The following PHF8 variants were observed in gnomAD, a reference collection of about 807,000 sequenced individuals.
PHF8 encodes the protein histone lysine demethylase PHF8.
PHF8 carries 9 observed loss-of-function variants against 74.4 expected under a neutral mutation model. That is an observed-to-expected ratio of 0.12 (90% CI 0.07 to 0.21). PHF8 has a LOEUF of 0.21. PHF8 is among the 10% of genes least tolerant of loss of function. The pLI is 1.00. For missense variants in PHF8, 478 were observed against 816.6 expected (o/e 0.59, Z 5.05); for synonymous variants, 311 against 316.6 (o/e 0.98, Z 0.19).
At chrX:53,995,969 CACACAA>C (rs1399621271) in intron 11 of PHF8, among the ~76,000 whole-genome samples, 187 bp from the exon 12 acceptor site, 1 of 110,594 alleles carries the variant, frequency 9.0e-6, no homozygotes, top group Non-Finnish European at 1.9e-5. Context: ...TTGCACCATA[CACACAA>C]ACACAAACTT....
intron 6 of PHF8, 119 bp from the exon 7 acceptor site, chrX:54,014,682 C>G (rs782075005): frequency 5.7e-6 from 3 of 527,305 alleles, no homozygotes; most frequent in Middle Eastern, 1.0e-3. Flanking sequence ...GTTCCCTCCA[C>G]AGAATCCCCA....
Position 54,007,397 on chromosome X carries a change from A to G in PHF8, c.946+3725T>C, listed in dbSNP as rs190659758. On this transcript the variant is annotated intron_variant, in intron 8 of 21. Transcript: ENST00000338154. ...AAGCATAAGCAAATAAAGAAAAAAA[A>G]ATAGATAAATTGGGCATCAAAATTT... Among the ~76,000 whole-genome samples, 871 of 112,257 alleles carry G rather than the reference A, an allele frequency of 7.8e-3. 5 individuals carry two copies. Among genetic ancestry groups the G allele is most frequent in the Non-Finnish European group, 0.013 (678 of 53,229 alleles).
At position 53,978,710 on chromosome X, in the gene PHF8, T is replaced by G. The variant is rs782698596; in HGVS notation, c.2443+6204A>C. ...CTACTCAGGAGGCTGAGGCAGGAGATTCACGTGAATCCGGAAGGCAGAGGT... is the reference window on the plus strand; with the variant it reads ...CTACTCAGGAGGCTGAGGCAGGAGAGTCACGTGAATCCGGAAGGCAGAGGT... On this transcript the variant is annotated intron_variant, in intron 18 of 21. Transcript: ENST00000338154. Among the ~76,000 whole-genome samples, 55 of 105,643 alleles carry G rather than the reference T, an allele frequency of 5.2e-4. 1 individual carries two copies. Among genetic ancestry groups the G allele is most frequent in the Admixed American group, 5.1e-4 (5 of 9,822 alleles). 91.7% of individuals were successfully genotyped at this position (105,643 alleles called of 115,157 possible).
At chrX:53,965,456 T>C (rs1557092219) in intron 18 of PHF8, among the ~76,000 whole-genome samples, 2 of 112,864 alleles carry the variant, frequency 1.8e-5, no homozygotes, top group African/African-American at 6.4e-5. Context: ...CTCGCCAACA[T>C]GGCAAAACCC....
chrX:54,027,276 CCAAA>C (rs782271023), intron 2 of PHF8, among the ~76,000 whole-genome samples: 2 of 110,958 alleles, frequency 1.8e-5, no homozygotes, highest in Non-Finnish European at 3.8e-5. Context: ...CCCTTCACAG[CCAAA>C]CACATTCTTT....
Position 54,043,857 on chromosome X carries a change from T to A in PHF8, c.-188A>T. The A allele has an allele frequency of 1.3e-6, 1 of 753,638 alleles. No homozygotes were observed. Among genetic ancestry groups the A allele is most frequent in the Admixed American group, 8.5e-5 (1 of 11,711 alleles). 62.1% of individuals were successfully genotyped at this position (753,638 alleles called of 1,213,427 possible). On this transcript the variant is annotated 5_prime_UTR_variant, in exon 1 of 22. The change abolishes an upstream ATG in the 5' untranslated region. Coordinates refer to ENST00000338154, the MANE Select transcript of PHF8 (RefSeq NM_015107.3). ...CCAGAATCCTACAGGGACCTCCTCA[T>A]GCTTTGGGCTGCAAGGACTCCACGC...
Position 53,944,230 on chromosome X carries a change from T to A in PHF8, c.2553A>T (p.Pro851=). Residue 851 remains proline (P), a synonymous_variant, in exon 20 of 22, where the codon CCA becomes CCT. Coordinates refer to ENST00000338154, the MANE Select transcript of PHF8 (RefSeq NM_015107.3). ...APWSPKARVT[P]TLPKQDRPVR... ...CAGGACGGTCCTGCTTCGGCAGAGT[T>A]GGGGTCACGCGGGCTGCAAGGGAAA... 1 of 1,205,614 alleles carries A rather than the reference T, an allele frequency of 8.3e-7. No homozygotes were observed. Among genetic ancestry groups the A allele is most frequent in the Admixed American group, 2.2e-5 (1 of 46,019 alleles).
At position 53,938,850 on chromosome X, in the gene PHF8, A is replaced by T. The variant is rs41315092; in HGVS notation, c.*308T>A. 2.3e-5 allele frequency: 20 copies of T among 855,970 alleles called. No individual in the cohort carries two copies. The highest frequency in any genetic ancestry group is 2.7e-5 in the Non-Finnish European group (19 of 704,988). The allele number at this position is 855,970 out of a possible 1,213,427, so 70.5% of individuals were successfully genotyped here. On this transcript the variant is annotated 3_prime_UTR_variant, in exon 22 of 22. Transcript: ENST00000338154. ...CTTCCAGCTCTAGCGGGGGATGAAGAATAAAGAACAGACAAGGCAGGTGAC... is the reference window on the plus strand; with the variant it reads ...CTTCCAGCTCTAGCGGGGGATGAAGTATAAAGAACAGACAAGGCAGGTGAC...
intron 18 of PHF8, among the ~76,000 whole-genome samples, chrX:53,983,942 A>C (rs142721936): frequency 0.028 from 3,180 of 112,611 alleles, 57 homozygotes; most frequent in Middle Eastern, 0.074. Flanking sequence ...TATACATGAA[A>C]ATGATGACAA....
At chrX:54,036,462 T>C (rs2066457317) in intron 2 of PHF8, among the ~76,000 whole-genome samples, 1 of 103,983 alleles carries the variant, frequency 9.6e-6, no homozygotes, top group Admixed American at 1.1e-4. Flanking sequence ...AATTTAAAAA[T>C]GCCTTGAGGC....
At chrX:54,042,491 C>G (rs2066575952) in intron 2 of PHF8, 140 bp downstream of exon 2, 2 of 533,182 alleles carry the variant, frequency 3.8e-6, no homozygotes, top group Non-Finnish European at 3.3e-6. Context: ...AGGTCCTGTT[C>G]TGCAAGGAGA....
At chrX:54,032,878 C>G (rs2066386169) in intron 2 of PHF8, among the ~76,000 whole-genome samples, 2 of 111,732 alleles carry the variant, frequency 1.8e-5, no homozygotes. Context: ...GTCTGTGTAG[C>G]TTTGGGCACA....
intron 2 of PHF8, among the ~76,000 whole-genome samples, chrX:54,027,984 C>CCACACACACACACACACA (rs782177087): frequency 1.2e-4 from 12 of 96,513 alleles, no homozygotes; most frequent in Admixed American, 1.0e-3. Flanking sequence ...ACTATACACA[C>CCACACACACACACACACA]CACACACACA....
rs1214418536 is a variant in PHF8 at position 54,044,376 on chromosome X, G to A, written c.-707C>T. On this transcript the variant is annotated 5_prime_UTR_variant, in exon 1 of 22. Transcript: ENST00000338154. Reference sequence around the variant, plus strand: ...CAATGAGGAAGTTGAGGCGGAGAGGGGAGGAGAAATACGGGATAAACAGCT... The same window carrying A: ...CAATGAGGAAGTTGAGGCGGAGAGGAGAGGAGAAATACGGGATAAACAGCT... 4 of 750,679 alleles carry A rather than the reference G, an allele frequency of 5.3e-6. No homozygotes were observed. The highest frequency in any genetic ancestry group is 6.8e-5 in the South Asian group (1 of 14,749). The allele number at this position is 750,679 out of a possible 1,213,427, so 61.9% of individuals were successfully genotyped here.
At chrX:54,044,793 G>T, upstream of PHF8, 5 of 802,765 alleles carry the variant, frequency 6.2e-6, no homozygotes, top group Non-Finnish European at 7.2e-6. Context: ...ATGAGAGGAG[G>T]TGAACTCGGT....
intron 2 of PHF8, among the ~76,000 whole-genome samples, chrX:54,024,560 A>C (rs1444943478): frequency 9.0e-6 from 1 of 111,680 alleles, no homozygotes; most frequent in Admixed American, 9.6e-5. Context: ...CTTGGTAAAC[A>C]AACTGCTCAA....
At chrX:53,942,943 A>G (rs191093184) in intron 20 of PHF8, 460 of 751,146 alleles carry the variant, frequency 6.1e-4, no homozygotes, top group Admixed American at 9.7e-4. Flanking sequence ...AGAGGACTTT[A>G]AGAGGGCTTT....
chrX:54,018,840 G>T (rs1442813086), intron 4 of PHF8, among the ~76,000 whole-genome samples: 4 of 110,503 alleles, frequency 3.6e-5, no homozygotes, highest in African/African-American at 1.3e-4. Flanking sequence ...GGCTGGTCTT[G>T]AACTCCCGAC....
chrX:53,975,696 A>G (rs2065362766), intron 18 of PHF8, among the ~76,000 whole-genome samples: 1 of 111,936 alleles, frequency 8.9e-6, no homozygotes. Context: ...GGTGGAGAGT[A>G]GAATGGTGGT....
Sources: gnomAD v4.1 joint callset for allele counts (sites outside exome capture counted in the v4.1 genomes callset) on GRCh38, gnomAD v4.1.1 for gene constraint, MANE v1.5 for transcripts, NCBI Gene and HGNC (gene_info 2026-07-23, HGNC 2026-07-21) for gene names.